Variants in CPZ observed in about 807,000 individuals in gnomAD.
CPZ encodes the protein VEZT/CPZ fusion.
CPZ carries 103 observed loss-of-function variants against 61.8 expected under a neutral mutation model. That is an observed-to-expected ratio of 1.67 (90% confidence interval 1.42 to 1.96). The LOEUF is 1.96. Among genes scored for constraint, CPZ ranks in the 30% most tolerant of loss-of-function variants. The probability of loss-of-function intolerance (pLI) is 0.00; values close to 1 mark genes in which losing one functional copy is unlikely to be tolerated. For missense variants in CPZ, 1,461 were observed against 914.9 expected (o/e 1.60, Z -7.70); for synonymous variants, 551 against 373.7 (o/e 1.47, Z -5.47).
Position 8,611,879 on chromosome 4 carries a change from C to T in CPZ, c.1228-148C>T, listed in dbSNP as rs562401733. ...ATACACTGTGTCCTCTGCAGGACAC[C>T]GTTCCCCTCTCCTACCTGCAGACAC... On this transcript the variant is annotated intron_variant, in intron 7 of 10. Transcript: ENST00000360986. 1,240 of 1,157,952 alleles carry T rather than the reference C, an allele frequency of 1.1e-3. 4 individuals carry two copies. The highest frequency in any genetic ancestry group is 1.7e-3 in the Admixed American group (78 of 46,906). 71.7% of individuals were successfully genotyped at this position (1,157,952 alleles called of 1,614,324 possible).
intron 9 of CPZ, among the ~76,000 whole-genome samples, chr4:8,615,304 G>T (rs114193309): frequency 0.033 from 4,985 of 152,258 alleles, 139 homozygotes; most frequent in Non-Finnish European, 0.048. Flanking sequence ...GGGACTCTGT[G>T]CCCATGTCTG....
chr4:8,609,444 C>G (rs534922977), intron 7 of CPZ, among the ~76,000 whole-genome samples: 25 of 139,122 alleles, frequency 1.8e-4, no homozygotes, highest in African/African-American at 2.7e-4. Context: ...TTCATTGACT[C>G]TTGCAGGTAG....
At position 8,607,427 on chromosome 4, in the gene CPZ, T is replaced by G; in HGVS notation, c.1227+2T>G. ...TTTTCTCCCACGCCCGACGAGAAGG[T>G]GAGAGGGCTGTCGGGTGTGTGCAGG... On this transcript the variant is annotated splice_donor_variant, in intron 7 of 10. Coordinates refer to ENST00000360986, the MANE Select transcript of CPZ (RefSeq NM_001014447.3). LOFTEE classifies it high-confidence loss of function. The G allele has an allele frequency of 2.5e-6, 4 of 1,613,550 alleles. No homozygotes were observed. Among genetic ancestry groups the G allele is most frequent in the Non-Finnish European group, 3.4e-6 (4 of 1,179,802 alleles).
Position 8,614,506 on chromosome 4 carries a change from C to A in CPZ, c.1503+8C>A. 1 of 1,612,420 alleles carries A rather than the reference C, an allele frequency of 6.2e-7. No individual in the cohort carries two copies. The highest frequency in any genetic ancestry group is 2.2e-5 in the East Asian group (1 of 44,866). On this transcript the variant is annotated splice_region_variant and intron_variant, in intron 9 of 10. Coordinates refer to ENST00000360986, the MANE Select transcript of CPZ (RefSeq NM_001014447.3). ...CTGAATTTCGTGGAGACGGTGAGTT[C>A]TGACGGTCTCAGGGCTCTGGTCCAG...
At chr4:8,602,679 G>A (rs1045875763) in intron 3 of CPZ, 2 of 152,290 alleles carry the variant, frequency 1.3e-5, no homozygotes, top group African/African-American at 4.8e-5. Context: ...GGATGGATTT[G>A]GCCATTTGTC....
At chr4:8,618,569 C>A in intron 10 of CPZ, 41 bp downstream of exon 10, 1 of 1,585,922 alleles carries the variant, frequency 6.3e-7, no homozygotes, top group Non-Finnish European at 8.6e-7. Flanking sequence ...CCACGTCTGC[C>A]AAGGAAATGC....
At position 8,601,312 on chromosome 4, in the gene CPZ, T is replaced by G; in HGVS notation, c.311T>G (p.Val104Gly). The change falls in exon 3 of 11, where the codon GTG (valine) becomes GGG (glycine). Residue 104 changes from valine (V) to glycine (G), a missense_variant. Physicochemically the swap from Val to Gly is moderately radical, Grantham distance 109. Coordinates refer to ENST00000360986, the MANE Select transcript of CPZ (RefSeq NM_001014447.3). ...NPDLRLLGCA[V>G]LAPRCEGGWV... ...GACCTGCGGCTGCTGGGCTGTGCTG[T>G]GCTGGCCCCCCGGTGTGAGGGCGGC... is the stretch of plus-strand genomic sequence containing the variant. The G allele has an allele frequency of 1.2e-5, 20 of 1,611,218 alleles. No homozygotes were observed. Among genetic ancestry groups the G allele is most frequent in the Non-Finnish European group, 1.6e-5 (19 of 1,178,308 alleles).
chr4:8,605,835 T>C (rs2109324142), intron 4 of CPZ, among the ~76,000 whole-genome samples, 154 bp from the exon 5 acceptor site: 1 of 152,358 alleles, frequency 6.6e-6, no homozygotes, highest in Admixed American at 6.5e-5. Flanking sequence ...GTGATGACCT[T>C]GATGAGACCT....
At chr4:8,594,867 G>A (rs542906135) in intron 1 of CPZ, among the ~76,000 whole-genome samples, 12 of 152,062 alleles carry the variant, frequency 7.9e-5, no homozygotes, top group Admixed American at 5.2e-4. Flanking sequence ...CCACCTCCCG[G>A]GTTCACGCCA....
At chr4:8,610,805 T>G (rs1041495631) in intron 7 of CPZ, among the ~76,000 whole-genome samples, 1 of 151,912 alleles carries the variant, frequency 6.6e-6, no homozygotes, top group Non-Finnish European at 1.5e-5. Context: ...CTGAGTGGGG[T>G]TGTGTTTGTG....
At chr4:8,609,770 T>A (rs1345039832) in intron 7 of CPZ, among the ~76,000 whole-genome samples, 4 of 152,198 alleles carry the variant, frequency 2.6e-5, no homozygotes, top group Non-Finnish European at 5.9e-5. Context: ...AAAATAACAC[T>A]GTTTCCAAGC....
chr4:8,605,634 T>TATCC (rs953384114), intron 4 of CPZ, among the ~76,000 whole-genome samples: 1 of 148,570 alleles, frequency 6.7e-6, no homozygotes, highest in African/African-American at 2.6e-5. Flanking sequence ...ATCATTGATA[T>TATCC]ATCCATTCAT....
At chr4:8,597,139 G>A (rs978301607) in intron 1 of CPZ, among the ~76,000 whole-genome samples, 8 of 152,142 alleles carry the variant, frequency 5.3e-5, no homozygotes, top group Admixed American at 2.6e-4. Flanking sequence ...ATGAGACCAC[G>A]GGTCAGCTGA....
At chr4:8,607,024 T>C in intron 6 of CPZ, 126 bp downstream of exon 6, 1 of 1,192,416 alleles carries the variant, frequency 8.4e-7, no homozygotes, top group South Asian at 1.6e-5. Flanking sequence ...CTGCCTCAGT[T>C]ACCTGTCTGT....
intron 3 of CPZ, among the ~76,000 whole-genome samples, chr4:8,601,806 TGCA>T (rs1223754569): frequency 1.8e-4 from 27 of 152,112 alleles, no homozygotes; most frequent in African/African-American, 6.3e-4. Context: ...CCGCCCAGGG[TGCA>T]GTGAGCAGGC....
chr4:8,614,997 G>T (rs1242979369), intron 9 of CPZ, among the ~76,000 whole-genome samples: 1 of 152,124 alleles, frequency 6.6e-6, no homozygotes, highest in Admixed American at 6.5e-5. Context: ...CGAGCCGTGG[G>T]ATGGGGCGGG....
chr4:8,610,999 CTCATTCACTCACTCAT>C (rs1294865901), intron 7 of CPZ, among the ~76,000 whole-genome samples: 4 of 89,130 alleles, frequency 4.5e-5, no homozygotes, highest in South Asian at 2.7e-4. Flanking sequence ...CACTCTTTCA[CTCATTCACTCACTCAT>C]TCACTCATTC....
In CPZ at chr4:8,601,662, G is replaced by A. The variant is rs559109679; in HGVS notation, c.496+165G>A. On this transcript the variant is annotated intron_variant, in intron 3 of 10. Coordinates refer to ENST00000360986, the MANE Select transcript of CPZ (RefSeq NM_001014447.3). ...CGAGGCAGCATGTTCCCCACAAAAG[G>A]GTGCCAGGCAGGGTCGGGGGCTCAG... is the stretch of plus-strand genomic sequence containing the variant. 2.0e-5 allele frequency among the ~76,000 whole-genome samples: 3 copies of A among 152,194 alleles called. 1 individual carries two copies. The South Asian group carries it at 6.2e-4, about 32-fold the overall frequency.
chr4:8,607,620 G>A (rs1387770130), intron 7 of CPZ, among the ~76,000 whole-genome samples, 195 bp downstream of exon 7: 1 of 152,282 alleles, frequency 6.6e-6, no homozygotes, highest in South Asian at 2.1e-4. Flanking sequence ...GGCCTCAGGG[G>A]CCGTCGCTCC....
Sources: gnomAD v4.1 joint callset for allele counts (sites outside exome capture counted in the v4.1 genomes callset) on GRCh38, gnomAD v4.1.1 for gene constraint, MANE v1.5 for transcripts, NCBI Gene and HGNC (gene_info 2026-07-23, HGNC 2026-07-21) for gene names.